POT1: variants seen among roughly 807,000 people sequenced by gnomAD.
POT1 encodes protection of telomeres 1, also known as protection of telomeres protein 1.
Under a neutral mutation model 78.5 loss-of-function variants are expected in POT1, and 47 were observed. The ratio of observed to expected loss-of-function variants is 0.60; its 90% confidence interval spans 0.47 to 0.76. The LOEUF is 0.76. Among genes scored for constraint, POT1 ranks in the 30% least tolerant of loss-of-function variants. The pLI, the probability that POT1 is intolerant of heterozygous loss-of-function variation, is 0.00. For missense variants in POT1, 646 were observed against 749.9 expected, an observed-to-expected ratio of 0.86 and a Z score of 1.62; for synonymous variants, 259 against 260.7, an observed-to-expected ratio of 0.99 and a Z score of 0.06.
intron 2 of POT1, among the ~76,000 whole-genome samples, chr7:124,921,221 A>G (rs1797141958): frequency 6.6e-6 from 1 of 152,158 alleles, no homozygotes; most frequent in Non-Finnish European, 1.5e-5. Context: ...CAAGCACACA[A>G]AACAATAAAA....
At chr7:124,835,159 G>A in intron 15 of POT1, 120 bp downstream of exon 15, 3 of 1,209,162 alleles carry the variant, frequency 2.5e-6, no homozygotes, top group Non-Finnish European at 3.4e-6. Flanking sequence ...GGGTTGATGG[G>A]TGCAGCAAAC....
chr7:124,846,894 TA>T lies in POT1; in HGVS notation c.1006+47del, dbSNP rs1562984236. 3 of 1,343,484 alleles carry T rather than the reference TA, an allele frequency of 2.2e-6. No individual in the cohort carries two copies. The South Asian group carries it at 3.6e-5, about 16-fold the overall frequency. The allele number at this position is 1,343,484 out of a possible 1,614,324, so 83.2% of individuals were successfully genotyped here. Reference sequence around the variant, plus strand: ...AGCTGGTAAGTGTAGAGGCAGACTTTATTATGCTCATTACTGTGCCCATCTC... The same window carrying T: ...AGCTGGTAAGTGTAGAGGCAGACTTTTTATGCTCATTACTGTGCCCATCTC... On this transcript the variant is annotated intron_variant, in intron 12 of 18. Coordinates refer to ENST00000357628, the MANE Select transcript of POT1 (RefSeq NM_015450.3).
intron 11 of POT1, among the ~76,000 whole-genome samples, chr7:124,850,267 T>C (rs1795271126): frequency 6.6e-6 from 1 of 152,138 alleles, no homozygotes; most frequent in Non-Finnish European, 1.5e-5. Flanking sequence ...AAATGTAAAG[T>C]ATGTACAAAA....
At position 124,851,908 on chromosome 7, in the gene POT1, C is replaced by T. The variant is rs1444104997; in HGVS notation, c.913G>A (p.Val305Ile). ...TCGTCAGGTTCTGATTGACAGATAA[C>T]ATCTGAATGCTGATTGGCTGTCAAA... Reference protein sequence around the residue: ...ANLTANQHSDVICQSEPDDSF... With the variant: ...ANLTANQHSDIICQSEPDDSF... Residue 305 changes from valine (V) to isoleucine (I), a missense_variant, in exon 11 of 19, where the codon GTT (valine) becomes ATT (isoleucine). By Grantham distance (29) the Val-to-Ile change is conservative. Transcript: ENST00000357628. The T allele has an allele frequency of 1.2e-6, 2 of 1,611,650 alleles. No homozygotes were observed. Among genetic ancestry groups the T allele is most frequent in the Non-Finnish European group, 8.5e-7 (1 of 1,178,160 alleles).
At position 124,875,370 on chromosome 7, in the gene POT1, A is replaced by G. The variant is rs552896822; in HGVS notation, c.125-4329T>C. On this transcript the variant is annotated intron_variant, in intron 6 of 18. Coordinates refer to ENST00000357628, the MANE Select transcript of POT1 (RefSeq NM_015450.3). ...AAAATGTGAAATGAGGCAATTGTCT[A>G]AAGGATGATACAAGAATGAAATAAA... is the stretch of plus-strand genomic sequence containing the variant. Among the ~76,000 whole-genome samples the G allele has an allele frequency of 1.6e-3, 251 of 152,300 alleles. 3 individuals are homozygous for G. The highest frequency in any genetic ancestry group is 5.8e-3 in the African/African-American group (240 of 41,578).
chr7:124,928,384 T>G (rs1280897117), intron 2 of POT1, among the ~76,000 whole-genome samples: 2 of 152,216 alleles, frequency 1.3e-5, no homozygotes, highest in Non-Finnish European at 2.9e-5. Flanking sequence ...ACATAAGGAC[T>G]GCTTTTTACC....
intron 2 of POT1, among the ~76,000 whole-genome samples, chr7:124,928,584 A>G (rs1256774073): frequency 6.6e-6 from 1 of 152,188 alleles, no homozygotes; most frequent in African/African-American, 2.4e-5. Context: ...TTCCGGGACT[A>G]TATTTATTCA....
At position 124,835,315 on chromosome 7, in the gene POT1, G is replaced by T. The variant is rs762243148; in HGVS notation, c.1469C>A (p.Ala490Glu). 1 of 1,614,042 alleles carries T rather than the reference G, an allele frequency of 6.2e-7. No homozygotes were observed. Among genetic ancestry groups the T allele is most frequent in the Admixed American group, 1.7e-5 (1 of 60,022 alleles). Reference sequence around the variant, plus strand: ...TATTGTTCCTTGTATAAGAAATGGTGCTGAAAGGTCCAAAAGTTCCAGGTC... The same window carrying T: ...TATTGTTCCTTGTATAAGAAATGGTTCTGAAAGGTCCAAAAGTTCCAGGTC... ...HEDLELLDLS[A>E]PFLIQGTIHH... The change falls in exon 15 of 19, where the codon GCA (alanine) becomes GAA (glutamate). Residue 490 changes from alanine (A) to glutamate (E), a missense_variant. Coordinates refer to ENST00000357628, the MANE Select transcript of POT1 (RefSeq NM_015450.3).
At chr7:124,889,963 T>A (rs1206287718) in intron 6 of POT1, among the ~76,000 whole-genome samples, 1 of 152,014 alleles carries the variant, frequency 6.6e-6, no homozygotes, top group African/African-American at 2.4e-5. Flanking sequence ...TAATTTTTAC[T>A]TTTAAGTGTC....
At chr7:124,853,438 T>C (rs950667900) in intron 9 of POT1, 6 of 198,970 alleles carry the variant, frequency 3.0e-5, no homozygotes, top group African/African-American at 1.4e-4. Flanking sequence ...GAAAAAATAT[T>C]GTGTCTTAGC....
chr7:124,912,483 C>T lies in POT1; in HGVS notation c.-154+3091G>A, dbSNP rs1373908140. On this transcript the variant is annotated intron_variant, in intron 3 of 18. Coordinates refer to ENST00000357628, the MANE Select transcript of POT1 (RefSeq NM_015450.3). The stretch of plus-strand genomic sequence containing the variant: ...TACTTGTCAGTCTTTTCTTCACCAC[C>T]AGATAAATATATACCTTCCCTCCCC... 2.0e-5 allele frequency among the ~76,000 whole-genome samples: 3 copies of T among 152,240 alleles called. No homozygotes were observed. In the South Asian group the frequency reaches 6.2e-4, roughly 32 times the overall value.
chr7:124,852,670 C>T (rs1166887509), intron 10 of POT1, among the ~76,000 whole-genome samples: 1 of 152,064 alleles, frequency 6.6e-6, no homozygotes, highest in Admixed American at 6.5e-5. Flanking sequence ...CAAACTTTAG[C>T]TAAGGTCTAG....
chr7:124,915,850 TTATAA>T (rs1377094956), intron 2 of POT1, among the ~76,000 whole-genome samples: 1 of 152,168 alleles, frequency 6.6e-6, no homozygotes, highest in Non-Finnish European at 1.5e-5. Context: ...ACTTCAAGGT[TTATAA>T]TATAATTTCC....
chr7:124,886,975 A>G (rs1796256969), intron 6 of POT1, among the ~76,000 whole-genome samples: 7 of 152,130 alleles, frequency 4.6e-5, no homozygotes, highest in Admixed American at 4.6e-4. Flanking sequence ...CTATAGATAC[A>G]TTATTAGCAA....
chr7:124,883,881 C>A (rs1349972411), intron 6 of POT1, among the ~76,000 whole-genome samples: 2 of 151,220 alleles, frequency 1.3e-5, no homozygotes, highest in Non-Finnish European at 3.0e-5. Context: ...ATTCTTTCAT[C>A]TCTCTGATAA....
At chr7:124,825,160 G>T in intron 18 of POT1, 92 bp downstream of exon 18, 3 of 719,704 alleles carry the variant, frequency 4.2e-6, no homozygotes, top group Non-Finnish European at 4.4e-6. Context: ...TGGAAGCAAA[G>T]CTTTCAGACT....
In POT1 at chr7:124,863,448, A is replaced by G. The variant is rs1232926005; in HGVS notation, c.448T>C (p.Leu150=). ...ASTHMSPSWT[L]LKLCDVQPMQ... ...GGCTGAACATCACACAATTTTAGTA[A>G]TGTCCAAGACGGTGACATATGAGTA... The change falls in exon 8 of 19, where the codon TTA becomes CTA. Residue 150 remains leucine, a synonymous_variant. Coordinates refer to ENST00000357628, the MANE Select transcript of POT1 (RefSeq NM_015450.3). 9 of 1,613,998 alleles carry G rather than the reference A, an allele frequency of 5.6e-6. No individual in the cohort carries two copies. The highest frequency in any genetic ancestry group is 7.6e-6 in the Non-Finnish European group (9 of 1,179,896).
intron 2 of POT1, among the ~76,000 whole-genome samples, chr7:124,917,599 CAA>C (rs1233030967): frequency 1.3e-5 from 2 of 152,060 alleles, no homozygotes; most frequent in African/African-American, 2.4e-5. Context: ...ATGAGGCATA[CAA>C]AAGAGGCAAG....
At chr7:124,850,688 G>A (rs542406549) in intron 11 of POT1, among the ~76,000 whole-genome samples, 176 of 151,634 alleles carry the variant, frequency 1.2e-3, no homozygotes, top group African/African-American at 3.9e-3. Context: ...CAGAGATCGC[G>A]CTAGCCACAC....
Sources: allele counts gnomAD v4.1 joint callset (sites outside exome capture counted in the v4.1 genomes callset), GRCh38; gene constraint gnomAD v4.1.1; transcripts MANE v1.5; gene names NCBI Gene and HGNC (gene_info 2026-07-23, HGNC 2026-07-21).